Variants in DGKI observed in about 807,000 individuals in gnomAD.
DGKI encodes the protein diacylglycerol kinase iota.
DGKI carries 55 observed loss-of-function variants against 147.5 expected under a neutral mutation model. The ratio of observed to expected loss-of-function variants is 0.37; its 90% CI spans 0.30 to 0.47. The LOEUF is 0.47. DGKI is among the 20% of genes least tolerant of loss of function. DGKI has a pLI of 1.00. For synonymous variants in DGKI, 469 were observed against 477.1 expected (o/e 0.98, Z 0.22); for missense variants, 1,007 against 1,323.8 (o/e 0.76, Z 3.71).
chr7:137,440,560 T>C (rs1375993413), intron 28 of DGKI, among the ~76,000 whole-genome samples: 1 of 152,240 alleles, frequency 6.6e-6, no homozygotes, highest in Non-Finnish European at 1.5e-5. Flanking sequence ...AGTTTGATTG[T>C]TAGAATTGGG....
At chr7:137,515,367 T>C (rs1171017338) in intron 21 of DGKI, among the ~76,000 whole-genome samples, 1 of 151,678 alleles carries the variant, frequency 6.6e-6, no homozygotes, top group Non-Finnish European at 1.5e-5. Context: ...GAAATAGTAC[T>C]AGAAATACTT....
intron 10 of DGKI, among the ~76,000 whole-genome samples, chr7:137,602,214 T>G (rs1295549725): frequency 6.6e-6 from 1 of 152,230 alleles, no homozygotes; most frequent in African/African-American, 2.4e-5. Context: ...TGTTAATTAC[T>G]CCTTTCCACC....
At chr7:137,609,831 A>G (rs1820307919) in intron 8 of DGKI, among the ~76,000 whole-genome samples, 1 of 152,074 alleles carries the variant, frequency 6.6e-6, no homozygotes, top group Non-Finnish European at 1.5e-5. Flanking sequence ...GGCAGGGAGT[A>G]AGAACCCCAG....
intron 1 of DGKI, among the ~76,000 whole-genome samples, chr7:137,833,222 G>A (rs887519908): frequency 2.6e-5 from 4 of 152,098 alleles, no homozygotes; most frequent in African/African-American, 7.2e-5. Flanking sequence ...CCAATTTACT[G>A]TATTAGCCTG....
chr7:137,526,104 G>A, intron 20 of DGKI, among the ~76,000 whole-genome samples: 1 of 152,166 alleles, frequency 6.6e-6, no homozygotes, highest in Non-Finnish European at 1.5e-5. Context: ...ATGGCTGACT[G>A]AAGGTAGAGG....
intron 6 of DGKI, among the ~76,000 whole-genome samples, chr7:137,638,626 ATATG>A (rs1821492151): frequency 1.1e-4 from 1 of 9,190 alleles, no homozygotes; most frequent in East Asian, 0.031. Context: ...ACACACATAT[ATATG>A]TGTGTATATA....
chr7:137,693,240 C>G (rs574085618), intron 1 of DGKI, among the ~76,000 whole-genome samples: 4 of 152,090 alleles, frequency 2.6e-5, no homozygotes, highest in Admixed American at 2.0e-4. Flanking sequence ...CAATTTGCTC[C>G]TATTAAAAAA....
At chr7:137,784,220 C>CA (rs1328911744) in intron 1 of DGKI, among the ~76,000 whole-genome samples, 2 of 152,140 alleles carry the variant, frequency 1.3e-5, no homozygotes, top group African/African-American at 4.8e-5. Flanking sequence ...CTGCTGTCTT[C>CA]AGGAAACTCA....
At chr7:137,425,261 C>T (rs11521064) in intron 28 of DGKI, among the ~76,000 whole-genome samples, 45,797 of 152,102 alleles carry the variant, frequency 0.3, 8,257 homozygotes, top group East Asian at 0.65. Flanking sequence ...TGTTCTGCAG[C>T]GACTGCTGCT....
chr7:137,612,247 C>CT (rs1820390199), intron 8 of DGKI, among the ~76,000 whole-genome samples: 1 of 87,820 alleles, frequency 1.1e-5, no homozygotes, highest in East Asian at 3.6e-4. Context: ...TTTTTTGTAA[C>CT]ACAGAGGTAG....
rs767448321 is a variant in DGKI, at chr7:137,521,935, G to A, written c.2179C>T (p.Arg727Trp). The A allele has an allele frequency of 8.7e-6, 14 of 1,611,644 alleles. No individual in the cohort carries two copies. The highest frequency in any genetic ancestry group is 2.2e-5 in the East Asian group (1 of 44,822). Reference sequence around the variant, plus strand: ...TCTTGTAAACTGATTTTGTTCACCCGGATCCTCAGACGATCTGGGACAGAC... The same window carrying A: ...TCTTGTAAACTGATTTTGTTCACCCAGATCCTCAGACGATCTGGGACAGAC... ...PQSVPDRLRI[R>W]VNKISLQDYE... is the part of the protein sequence containing the mutation. Residue 727 changes from arginine (R) to tryptophan (W), a missense_variant, in exon 21 of 33, where the codon CGG becomes TGG. Arg to Trp is a moderately radical substitution (Grantham distance 101). This residue lies in a region of DGKI where 385 missense variants were observed against 445.2 expected (regional missense o/e 0.86). Transcript: ENST00000614521.
intron 1 of DGKI, among the ~76,000 whole-genome samples, chr7:137,803,345 CAA>C (rs1797271064): frequency 1.3e-5 from 2 of 152,052 alleles, no homozygotes; most frequent in African/African-American, 4.8e-5. Context: ...AGGTCAGTAA[CAA>C]AGAGCCAAAA....
chr7:137,585,093 T>C (rs1453550712), intron 14 of DGKI, 116 bp downstream of exon 14: 15 of 1,223,850 alleles, frequency 1.2e-5, no homozygotes, highest in African/African-American at 1.5e-5. Flanking sequence ...ACTCAAATAT[T>C]ATCACATTAT....
chr7:137,577,730 T>G (rs1183140294), intron 16 of DGKI, among the ~76,000 whole-genome samples: 1 of 152,208 alleles, frequency 6.6e-6, no homozygotes, highest in African/African-American at 2.4e-5. Flanking sequence ...AAATTTAAAC[T>G]GTACTGATAT....
In DGKI at chr7:137,385,487, T is replaced by C. The variant is rs4645511; in HGVS notation, c.*5733A>G. ...CCTCAGAGTGGTCAGGTATCCTCTG[T>C]TTAAATGCTAACAGAGGCTGAAAGT... On this transcript the variant is annotated 3_prime_UTR_variant, in exon 33 of 33. Transcript: ENST00000614521. 1 of 152,072 alleles carries C rather than the reference T, an allele frequency of 6.6e-6. No homozygotes were observed. Among genetic ancestry groups the C allele is most frequent in the African/African-American group, 2.4e-5 (1 of 41,428 alleles). 9.4% of individuals were successfully genotyped at this position (152,072 alleles called of 1,614,324 possible). A position where few individuals can be genotyped will look rare whatever the true frequency, so the allele number is the denominator to read the frequency against.
chr7:137,606,062 T>G (rs983572420), intron 10 of DGKI, among the ~76,000 whole-genome samples: 6 of 152,304 alleles, frequency 3.9e-5, no homozygotes, highest in Non-Finnish European at 8.8e-5. Flanking sequence ...AAATAGCATA[T>G]GTACTCCATA....
intron 1 of DGKI, among the ~76,000 whole-genome samples, chr7:137,694,319 C>CAA (rs56163124): frequency 2.7e-4 from 21 of 77,710 alleles, no homozygotes; most frequent in South Asian, 1.2e-3. Context: ...GACTCCGTCT[C>CAA]AAAAAAAAAA....
At chr7:137,533,312 A>G (rs1817406931) in intron 20 of DGKI, among the ~76,000 whole-genome samples, 1 of 152,098 alleles carries the variant, frequency 6.6e-6, no homozygotes, top group African/African-American at 2.4e-5. Context: ...GTAAATATAT[A>G]AAATAAATTA....
chr7:137,834,929 C>G (rs1481486428), intron 1 of DGKI, among the ~76,000 whole-genome samples: 7 of 152,224 alleles, frequency 4.6e-5, no homozygotes, highest in African/African-American at 1.7e-4. Context: ...CCCCTTCACA[C>G]ACATACCCAT....
Sources: gnomAD v4.1 joint callset for allele counts (sites outside exome capture counted in the v4.1 genomes callset) on GRCh38, gnomAD v4.1.1 for gene constraint, gnomAD v4.1.1 regional missense constraint, MANE v1.5 for transcripts, NCBI Gene and HGNC (gene_info 2026-07-23, HGNC 2026-07-21) for gene names.